Variants in HHAT observed in about 807,000 individuals in gnomAD.
HHAT encodes hedgehog acyltransferase, also known as protein-cysteine N-palmitoyltransferase HHAT.
In HHAT, 47 loss-of-function variants were observed where a neutral mutation model predicts 70.8. The observed-to-expected ratio is 0.66, with a 90% CI of 0.53 to 0.85. The LOEUF is 0.85. HHAT is among the 40% of genes least tolerant of loss of function. The pLI, the probability that HHAT is intolerant of heterozygous loss-of-function variation, is 0.00. For synonymous variants in HHAT, 228 were observed against 247.6 expected (o/e 0.92, Z 0.74); for missense variants, 609 against 604.8 (o/e 1.01, Z -0.07).
intron 2 of HHAT, among the ~76,000 whole-genome samples, chr1:210,358,629 A>G (rs1028217461): frequency 6.6e-6 from 1 of 152,182 alleles, no homozygotes; most frequent in Non-Finnish European, 1.5e-5. Flanking sequence ...TGACTACCAC[A>G]GTCTATTGTA....
intron 2 of HHAT, 43 bp downstream of exon 2, chr1:210,349,109 C>T: frequency 6.3e-7 from 1 of 1,591,318 alleles, no homozygotes; most frequent in Non-Finnish European, 8.6e-7. Flanking sequence ...AACAAGGAAA[C>T]TCCTGTCAAA....
chr1:210,560,487 C>T (rs747948534), intron 9 of HHAT, among the ~76,000 whole-genome samples: 1 of 151,926 alleles, frequency 6.6e-6, no homozygotes, highest in Non-Finnish European at 1.5e-5. Flanking sequence ...TAAAAAGAAC[C>T]TTGTAAAGGG....
intron 3 of HHAT, among the ~76,000 whole-genome samples, chr1:210,366,891 T>G (rs371697105): frequency 6.6e-6 from 1 of 152,232 alleles, no homozygotes; most frequent in Non-Finnish European, 1.5e-5. Flanking sequence ...AAGCATTGCC[T>G]GAAGCTCAAG....
chr1:210,428,737 A>G (rs1336908435), intron 7 of HHAT, among the ~76,000 whole-genome samples: 1 of 151,726 alleles, frequency 6.6e-6, no homozygotes, highest in Admixed American at 6.6e-5. Flanking sequence ...AGCACTTTGG[A>G]AGGCTAAGGC....
In HHAT at chr1:210,592,136, G is replaced by A. The variant is rs182730228; in HGVS notation, c.1245+4037G>A. 2.0e-3 allele frequency among the ~76,000 whole-genome samples: 299 copies of A among 152,124 alleles called. 3 individuals are homozygous for A. The highest frequency in any genetic ancestry group is 2.3e-3 in the Non-Finnish European group (158 of 67,954). On this transcript the variant is annotated intron_variant, in intron 10 of 11. Coordinates refer to ENST00000261458, the MANE Select transcript of HHAT (RefSeq NM_018194.6). ...CAGTGTCCTGGCAAGTTTCTCCAGT[G>A]TTTTCTTTCAGTAGTTTCATATTGT...
rs938038416 is a variant in HHAT at position 210,491,047 on chromosome 1, G to GAC, written c.1008-22092_1008-22091dup. Among the ~76,000 whole-genome samples, 139 of 125,182 alleles carry GAC rather than the reference G, an allele frequency of 1.1e-3. No homozygotes were observed. In the Middle Eastern group the frequency reaches 0.012, roughly 11 times the overall value. The allele number at this position is 125,182 out of a possible 152,430, so 82.1% of individuals were successfully genotyped here. ...CTGTCTGAAGACACCATTTTTGTGAGACACACACACACACATAGTGTGTGT... is the reference window on the plus strand; with the variant it reads ...CTGTCTGAAGACACCATTTTTGTGAGACACACACACACACACATAGTGTGTGT... On this transcript the variant is annotated intron_variant, in intron 8 of 11. Coordinates refer to ENST00000261458, the MANE Select transcript of HHAT (RefSeq NM_018194.6).
chr1:210,660,373 C>G (rs530498643), intron 11 of HHAT, among the ~76,000 whole-genome samples: 10 of 152,232 alleles, frequency 6.6e-5, no homozygotes, highest in African/African-American at 2.2e-4. Context: ...TGAAGGACCC[C>G]TTCAAGGAGA....
rs558713887 is a variant in HHAT, at chr1:210,422,674, A to G, written c.856+4349A>G. ...TTTTTTTGAGACGGAGTCTCGCTCC[A>G]TCGCCCAGGCTGGAGTGCAGTGGCA... On this transcript the variant is annotated intron_variant, in intron 7 of 11. Coordinates refer to ENST00000261458, the MANE Select transcript of HHAT (RefSeq NM_018194.6). Among the ~76,000 whole-genome samples, 9 of 151,940 alleles carry G rather than the reference A, an allele frequency of 5.9e-5. No individual in the cohort carries two copies. The South Asian group carries it at 1.7e-3, about 28-fold the overall frequency.
intron 8 of HHAT, among the ~76,000 whole-genome samples, chr1:210,476,194 GACA>G (rs1239629457): frequency 5.9e-5 from 9 of 152,334 alleles, no homozygotes; most frequent in African/African-American, 1.9e-4. Flanking sequence ...TACAGCTACA[GACA>G]ACATTTGTTT....
intron 10 of HHAT, 46 bp downstream of exon 10, chr1:210,588,145 C>A: frequency 6.8e-7 from 1 of 1,471,568 alleles, no homozygotes; most frequent in Non-Finnish European, 9.2e-7. Flanking sequence ...TGGAACTAGG[C>A]AGATCAGGTT....
chr1:210,441,283 G>GA (rs1238226241), intron 7 of HHAT, among the ~76,000 whole-genome samples: 1 of 152,236 alleles, frequency 6.6e-6, no homozygotes, highest in Non-Finnish European at 1.5e-5. Flanking sequence ...AATGGCTTGA[G>GA]AATCTGAGTT....
intron 8 of HHAT, among the ~76,000 whole-genome samples, chr1:210,466,613 C>G (rs2094114076): frequency 6.6e-6 from 1 of 152,130 alleles, no homozygotes; most frequent in Admixed American, 6.6e-5. Context: ...AGGCTTCTCC[C>G]ATATTGGCTG....
intron 7 of HHAT, among the ~76,000 whole-genome samples, chr1:210,440,383 T>G (rs541799902): frequency 6.6e-6 from 1 of 151,698 alleles, no homozygotes; most frequent in South Asian, 2.1e-4. Context: ...GGGTAATTCT[T>G]TGGAGTGGTC....
intron 1 of HHAT, among the ~76,000 whole-genome samples, chr1:210,333,032 A>C (rs1411646122): frequency 6.6e-6 from 1 of 152,212 alleles, no homozygotes; most frequent in Non-Finnish European, 1.5e-5. Context: ...GTGGTAAATA[A>C]TGGGCGGGCC....
At chr1:210,393,984 T>G (rs1232270546) in intron 4 of HHAT, among the ~76,000 whole-genome samples, 2 of 152,192 alleles carry the variant, frequency 1.3e-5, no homozygotes, top group African/African-American at 4.8e-5. Context: ...TTTTTGGTAC[T>G]TACTCAGAGT....
chr1:210,531,889 T>A lies in HHAT; in HGVS notation c.1043+18701T>A, dbSNP rs142863718. The stretch of plus-strand genomic sequence containing the variant: ...TAGTGGCAAGGGTGGGATAATCTTT[T>A]TTGACAAGACAGATAGAAGAGCATT... On this transcript the variant is annotated intron_variant, in intron 9 of 11. Coordinates refer to ENST00000261458, the MANE Select transcript of HHAT (RefSeq NM_018194.6). Among the ~76,000 whole-genome samples, 194 of 152,360 alleles carry A rather than the reference T, an allele frequency of 1.3e-3. 1 individual carries two copies. Among genetic ancestry groups the A allele is most frequent in the African/African-American group, 4.5e-3 (186 of 41,584 alleles).
chr1:210,336,795 AAAAT>A (rs1471884352), intron 1 of HHAT, among the ~76,000 whole-genome samples: 2 of 151,286 alleles, frequency 1.3e-5, no homozygotes, highest in Non-Finnish European at 2.9e-5. Context: ...AAAAAAATAA[AAAAT>A]AAGAAAAAGG....
chr1:210,616,017 G>A (rs1667651126), intron 10 of HHAT, among the ~76,000 whole-genome samples: 1 of 152,196 alleles, frequency 6.6e-6, no homozygotes, highest in Non-Finnish European at 1.5e-5. Context: ...GCTGGGAGCT[G>A]TAGACTGGAG....
At position 210,328,918 on chromosome 1, in the gene HHAT, G is replaced by C. The variant is rs1273421879; in HGVS notation, c.-230G>C. The C allele has an allele frequency of 1.1e-6, 1 of 918,498 alleles. No homozygotes were observed. The highest frequency in any genetic ancestry group is 1.7e-5 in the African/African-American group (1 of 58,150). The allele number at this position is 918,498 out of a possible 1,614,324, so 56.9% of individuals were successfully genotyped here. A position where few individuals can be genotyped will look rare whatever the true frequency, so the allele number is the denominator to read the frequency against. ...AGGGCGCGCGGGCACGGCGGCAGGGGCGTGCTCGGAGGACGCGCGCTGCGC... is the reference window on the plus strand; with the variant it reads ...AGGGCGCGCGGGCACGGCGGCAGGGCCGTGCTCGGAGGACGCGCGCTGCGC... On this transcript the variant is annotated 5_prime_UTR_variant, in exon 1 of 12. Coordinates refer to ENST00000261458, the MANE Select transcript of HHAT (RefSeq NM_018194.6).
Sources: gnomAD v4.1 joint callset for allele counts (sites outside exome capture counted in the v4.1 genomes callset) on GRCh38, gnomAD v4.1.1 for gene constraint, MANE v1.5 for transcripts, NCBI Gene and HGNC (gene_info 2026-07-23, HGNC 2026-07-21) for gene names.